The following MAP3K3 variants were observed in gnomAD, a reference collection of about 807,000 sequenced individuals.
MAP3K3 encodes MAP/ERK kinase kinase 3.
In MAP3K3, 12 loss-of-function variants were observed where a neutral mutation model predicts 80.9. That is an observed-to-expected ratio of 0.15 (90% CI 0.10 to 0.24). The LOEUF (loss-of-function observed/expected upper bound fraction) is 0.24, where lower values mean the gene tolerates loss of function less well. Among genes scored for constraint, MAP3K3 ranks in the 10% least tolerant of loss-of-function variants. The pLI is 1.00. For missense variants in MAP3K3, 596 were observed against 834.7 expected (o/e 0.71, Z 3.52); for synonymous variants, 272 against 307.1 (o/e 0.89, Z 1.19).
rs1355353831 is a variant in MAP3K3 at position 63,690,847 on chromosome 17, G to A, written c.1213-255G>A. ...ATACTTCAAGTTCTGTGGACAAACA[G>A]CAGTTACCTTAACTAAGCACCCACG... On this transcript the variant is annotated intron_variant, in intron 12 of 15. Coordinates refer to ENST00000361733, the MANE Select transcript of MAP3K3 (RefSeq NM_002401.5). The A allele has an allele frequency of 9.4e-6, 5 of 531,054 alleles. No individual in the cohort carries two copies. In the Middle Eastern group the frequency reaches 1.5e-3, roughly 158 times the overall value. The allele number at this position is 531,054 out of a possible 1,614,324, so 32.9% of individuals were successfully genotyped here.
intron 2 of MAP3K3, among the ~76,000 whole-genome samples, chr17:63,645,155 C>T (rs2034517140): frequency 6.6e-6 from 1 of 152,188 alleles, no homozygotes; most frequent in African/African-American, 2.4e-5. Flanking sequence ...TATGCCATTT[C>T]CTTTGCCTGG....
intron 2 of MAP3K3, among the ~76,000 whole-genome samples, chr17:63,640,781 A>G (rs918800001): frequency 7.2e-5 from 11 of 151,932 alleles, no homozygotes; most frequent in Non-Finnish European, 1.5e-4. Flanking sequence ...ATTGAGGGAG[A>G]CTCCTCTGTC....
At chr17:63,642,171 T>C (rs1029894780) in intron 2 of MAP3K3, among the ~76,000 whole-genome samples, 1 of 152,212 alleles carries the variant, frequency 6.6e-6, no homozygotes. Flanking sequence ...GCATCTTTGT[T>C]TACACTGCTT....
chr17:63,622,799 T>G, intron 1 of MAP3K3, 36 bp downstream of exon 1: 1 of 478,216 alleles, frequency 2.1e-6, no homozygotes. Context: ...GTGCCCGCGC[T>G]GCTTCGCGAC....
chr17:63,634,569 A>G, intron 2 of MAP3K3: 1 of 688,892 alleles, frequency 1.5e-6, no homozygotes, highest in Non-Finnish European at 2.4e-6. Context: ...TGAAGGCAGA[A>G]GCCTAAAAAG....
At chr17:63,648,792 G>C (rs1177231458) in intron 3 of MAP3K3, among the ~76,000 whole-genome samples, 8 of 152,076 alleles carry the variant, frequency 5.3e-5, no homozygotes, top group Non-Finnish European at 8.8e-5. Flanking sequence ...TCCAGCCTGG[G>C]GGACAGAGCG....
Position 63,693,646 on chromosome 17 carries a change from A to G in MAP3K3, c.1750A>G (p.Thr584Ala). The G allele has an allele frequency of 1.2e-6, 2 of 1,610,208 alleles. No homozygotes were observed. The highest frequency in any genetic ancestry group is 1.7e-6 in the Non-Finnish European group (2 of 1,177,508). ...CATCTTCAAGATTGCCACCCAGCCCACCAATCCTCAGCTGCCCTCCCACAT... is the reference window on the plus strand; with the variant it reads ...CATCTTCAAGATTGCCACCCAGCCCGCCAATCCTCAGCTGCCCTCCCACAT... Reference protein sequence around the residue: ...AAIFKIATQPTNPQLPSHISE... With the variant: ...AAIFKIATQPANPQLPSHISE... The change falls in exon 16 of 16, where the codon ACC (threonine) becomes GCC (alanine). Residue 584 changes from threonine (T) to alanine (A), a missense_variant. This residue lies in a region of MAP3K3 where 364 missense variants were observed against 588.9 expected (regional missense o/e 0.62). Transcript: ENST00000361733. This position sits in a 1 kb window ranked among gnomAD's most constrained non-coding sequence, Gnocchi z 4.2.
rs747061434 is a variant in MAP3K3 at position 63,693,656 on chromosome 17, A to C, written c.1760A>C (p.Gln587Pro). The C allele has an allele frequency of 6.2e-7, 1 of 1,609,810 alleles. No individual in the cohort carries two copies. Among genetic ancestry groups the C allele is most frequent in the East Asian group, 2.2e-5 (1 of 44,744 alleles). ...ATTGCCACCCAGCCCACCAATCCTC[A>C]GCTGCCCTCCCACATCTCTGAACAT... ...FKIATQPTNP[Q>P]LPSHISEHGR... The change falls in exon 16 of 16, where the codon CAG becomes CCG. Residue 587 changes from glutamine (Q) to proline (P), a missense_variant. By Grantham distance (76) the Gln-to-Pro change is moderately conservative. Around this residue, in one of 2 missense-constraint regions of MAP3K3, gnomAD observed 364 missense variants for 588.9 expected, o/e 0.62. Transcript: ENST00000361733. This position sits in a 1 kb window ranked among gnomAD's most constrained non-coding sequence, Gnocchi z 4.2.
In MAP3K3 at chr17:63,688,843, G is replaced by T. The variant is rs368873892; in HGVS notation, c.833G>T (p.Arg278Leu). ...GTCAAAGGTGGAACCTACCCCCGGCGCTACCACGTGTCTGTGCACCACAAG... is the reference window on the plus strand; with the variant it reads ...GTCAAAGGTGGAACCTACCCCCGGCTCTACCACGTGTCTGTGCACCACAAG... ...KGVKGGTYPRRYHVSVHHKDY... is the reference protein window; with the variant it reads ...KGVKGGTYPRLYHVSVHHKDY... Residue 278 changes from arginine (R) to leucine (L), a missense_variant, in exon 10 of 16, where the codon CGC becomes CTC. Coordinates refer to ENST00000361733, the MANE Select transcript of MAP3K3 (RefSeq NM_002401.5). 9 of 1,614,066 alleles carry T rather than the reference G, an allele frequency of 5.6e-6. No homozygotes were observed. Among genetic ancestry groups the T allele is most frequent in the Non-Finnish European group, 7.6e-6 (9 of 1,179,950 alleles).
intron 6 of MAP3K3, among the ~76,000 whole-genome samples, chr17:63,681,550 G>A (rs932001827): frequency 4.6e-5 from 7 of 152,210 alleles, no homozygotes; most frequent in East Asian, 1.9e-4. Context: ...TTTTTTGGTC[G>A]GATATGCCGT....
intron 3 of MAP3K3, among the ~76,000 whole-genome samples, chr17:63,651,460 C>G (rs974453406): frequency 1.3e-5 from 2 of 152,012 alleles, no homozygotes; most frequent in African/African-American, 4.8e-5. Context: ...GGTGACAGAA[C>G]GAGACTCTGT....
chr17:63,622,696 C>A lies in MAP3K3; in HGVS notation c.-64C>A. ...CCGTCCCCGCCGCCCGGGCCCCCGG[C>A]ATGCAGCCCCGGCTGCGGAGGTGAC... is the stretch of plus-strand genomic sequence containing the variant. On this transcript the variant is annotated 5_prime_UTR_variant, in exon 1 of 16. Transcript: ENST00000361733. 1 of 427,820 alleles carries A rather than the reference C, an allele frequency of 2.3e-6. No individual in the cohort carries two copies. 26.5% of individuals were successfully genotyped at this position (427,820 alleles called of 1,614,324 possible). A position where few individuals can be genotyped will look rare whatever the true frequency, so the allele number is the denominator to read the frequency against.
At position 63,695,715 on chromosome 17, in the gene MAP3K3, T is replaced by G. The variant is rs944424468; in HGVS notation, c.*1938T>G. 2.6e-5 allele frequency: 4 copies of G among 152,632 alleles called. No homozygotes were observed. Among genetic ancestry groups the G allele is most frequent in the African/African-American group, 9.7e-5 (4 of 41,444 alleles). The allele number at this position is 152,632 out of a possible 1,614,324, so 9.5% of individuals were successfully genotyped here. On this transcript the variant is annotated 3_prime_UTR_variant, in exon 16 of 16. Coordinates refer to ENST00000361733, the MANE Select transcript of MAP3K3 (RefSeq NM_002401.5). This position sits in a 1 kb window ranked among gnomAD's most constrained non-coding sequence, Gnocchi z 4.1. ...AGAGCACGGTGCTGGCTGACTCAAC[T>G]GTGCGTCCCAGGTTCAGGGTCTTAC... is the stretch of plus-strand genomic sequence containing the variant.
At chr17:63,679,560 G>A (rs2035287764) in intron 6 of MAP3K3, among the ~76,000 whole-genome samples, 1 of 152,164 alleles carries the variant, frequency 6.6e-6, no homozygotes, top group African/African-American at 2.4e-5. Flanking sequence ...ACGGCTCACT[G>A]CGGCCTCAAC....
At chr17:63,655,906 A>G (rs945239875) in intron 4 of MAP3K3, among the ~76,000 whole-genome samples, 3 of 152,170 alleles carry the variant, frequency 2.0e-5, no homozygotes, top group African/African-American at 7.2e-5. Flanking sequence ...CTCCCATTCC[A>G]TAAGTAGTTT....
intron 2 of MAP3K3, among the ~76,000 whole-genome samples, chr17:63,645,327 C>T (rs1299509807): frequency 6.6e-6 from 1 of 151,974 alleles, no homozygotes; most frequent in Non-Finnish European, 1.5e-5. Context: ...ACATGATAGA[C>T]CTGATCTCTG....
chr17:63,688,167 T>G (rs1795399521), intron 8 of MAP3K3: 1 of 306,946 alleles, frequency 3.3e-6, no homozygotes, highest in Admixed American at 4.8e-5. Context: ...AGCAGCAGCC[T>G]ATCAACGATG....
intron 4 of MAP3K3, among the ~76,000 whole-genome samples, chr17:63,655,356 A>T (rs2034746087): frequency 6.6e-6 from 1 of 152,170 alleles, no homozygotes; most frequent in African/African-American, 2.4e-5. Flanking sequence ...ACAAATCAAT[A>T]TGGGATTTGG....
intron 5 of MAP3K3, among the ~76,000 whole-genome samples, chr17:63,660,571 C>G (rs2034869212): frequency 6.7e-6 from 1 of 148,624 alleles, no homozygotes; most frequent in Non-Finnish European, 1.5e-5. Flanking sequence ...TTGGATTCTT[C>G]TTCTTCTTCT....
Sources: gnomAD v4.1 joint callset for allele counts (sites outside exome capture counted in the v4.1 genomes callset) on GRCh38, gnomAD v4.1.1 for gene constraint, gnomAD v4.1.1 regional missense constraint, Gnocchi (gnomAD v3.1) non-coding constraint, MANE v1.5 for transcripts, NCBI Gene and HGNC (gene_info 2026-07-23, HGNC 2026-07-21) for gene names.